The following PCLO variants were observed in gnomAD, a reference collection of about 807,000 sequenced individuals.
The protein encoded by PCLO is protein piccolo.
Under a neutral mutation model 427.5 loss-of-function variants are expected in PCLO, and 82 were observed. The ratio of observed to expected loss-of-function variants is 0.19; its 90% CI spans 0.16 to 0.23. The LOEUF is 0.23. Among genes scored for constraint, PCLO ranks in the 10% least tolerant of loss-of-function variants. PCLO has a pLI of 1.00. For missense variants in PCLO, 6,239 were observed against 6,115.9 expected, an observed-to-expected ratio of 1.02 and a Z score of -0.67; for synonymous variants, 2,357 against 2,155.4, an observed-to-expected ratio of 1.09 and a Z score of -2.59.
chr7:82,827,611 A>G (rs1254545453), intron 17 of PCLO, among the ~76,000 whole-genome samples: 1 of 152,084 alleles, frequency 6.6e-6, no homozygotes, highest in Non-Finnish European at 1.5e-5. Flanking sequence ...AAATTCTGAA[A>G]TAACAAATGG....
intron 3 of PCLO, among the ~76,000 whole-genome samples, chr7:83,072,213 A>G (rs1353270077): frequency 6.6e-6 from 1 of 152,042 alleles, no homozygotes; most frequent in Non-Finnish European, 1.5e-5. Context: ...GTATGAGAAA[A>G]TGTGTGAGAT....
At chr7:83,106,613 A>G (rs576682747) in intron 3 of PCLO, among the ~76,000 whole-genome samples, 1 of 152,308 alleles carries the variant, frequency 6.6e-6, no homozygotes, top group East Asian at 1.9e-4. Context: ...TTCTTTTAAA[A>G]AAGATCTTGC....
intron 3 of PCLO, among the ~76,000 whole-genome samples, chr7:83,028,556 C>T (rs1309545346): frequency 8.1e-6 from 1 of 123,298 alleles, no homozygotes; most frequent in Non-Finnish European, 1.8e-5. Context: ...AGATTCAATG[C>T]CATCCCCATC....
chr7:82,852,160 A>G (rs1264199812), intron 10 of PCLO, among the ~76,000 whole-genome samples: 1 of 152,176 alleles, frequency 6.6e-6, no homozygotes, highest in African/African-American at 2.4e-5. Context: ...ACACTCAGTC[A>G]TAATAAGAGA....
At chr7:83,026,475 A>G (rs1486940614) in intron 3 of PCLO, among the ~76,000 whole-genome samples, 3 of 152,116 alleles carry the variant, frequency 2.0e-5, no homozygotes, top group Non-Finnish European at 4.4e-5. Flanking sequence ...GTGACCTACA[A>G]AGAGACTTAA....
chr7:83,037,273 G>A (rs1406352915), intron 3 of PCLO, among the ~76,000 whole-genome samples: 1 of 151,966 alleles, frequency 6.6e-6, no homozygotes, highest in African/African-American at 2.4e-5. Flanking sequence ...AGAATCAGCA[G>A]AGACTAAAGA....
intron 3 of PCLO, among the ~76,000 whole-genome samples, chr7:83,111,205 C>T (rs1434379603): frequency 1.3e-5 from 2 of 152,196 alleles, no homozygotes; most frequent in Non-Finnish European, 2.9e-5. Context: ...TCAATTCAAT[C>T]ACTCAGTTAC....
intron 10 of PCLO, among the ~76,000 whole-genome samples, chr7:82,862,566 CA>C (rs36075501): frequency 0.18 from 16,541 of 91,598 alleles, 767 homozygotes; most frequent in East Asian, 0.34. Flanking sequence ...GACTCTGCCT[CA>C]AAAAAAAAAA....
intron 3 of PCLO, among the ~76,000 whole-genome samples, chr7:83,024,490 G>A (rs1459721703): frequency 6.6e-6 from 1 of 152,178 alleles, no homozygotes; most frequent in African/African-American, 2.4e-5. Context: ...TAGCACGGCA[G>A]TCTGAGATCA....
chr7:83,162,313 A>G, intron 1 of PCLO, 32 bp downstream of exon 1: 1 of 1,570,018 alleles, frequency 6.4e-7, no homozygotes, highest in Middle Eastern at 1.7e-4. Flanking sequence ...CTGTACATAT[A>G]TGCCCGGACA....
chr7:83,111,873 T>A (rs1791011930), intron 3 of PCLO, among the ~76,000 whole-genome samples: 1 of 152,238 alleles, frequency 6.6e-6, no homozygotes. Context: ...TAGATTAAGT[T>A]TAAATGCTCA....
chr7:82,920,280 A>C (rs1794565460), intron 6 of PCLO, among the ~76,000 whole-genome samples: 1 of 151,822 alleles, frequency 6.6e-6, no homozygotes, highest in African/African-American at 2.4e-5. Context: ...TTATGATTAA[A>C]GATGATGTAG....
chr7:82,983,032 T>C (rs1048864806), intron 3 of PCLO, among the ~76,000 whole-genome samples: 63 of 151,858 alleles, frequency 4.1e-4, no homozygotes, highest in African/African-American at 1.4e-3. Context: ...TGAAAAATAA[T>C]GAGGTAAAAG....
At chr7:82,987,431 A>G (rs1319387229) in intron 3 of PCLO, among the ~76,000 whole-genome samples, 1 of 152,084 alleles carries the variant, frequency 6.6e-6, no homozygotes, top group Non-Finnish European at 1.5e-5. Context: ...GCAGAAAAAA[A>G]TAAACAAATA....
chr7:82,868,278 C>T (rs1028221512), intron 10 of PCLO: 14 of 453,818 alleles, frequency 3.1e-5, no homozygotes, highest in African/African-American at 8.0e-5. Flanking sequence ...TGCTGGAGTG[C>T]GTCCTCTGTC....
intron 3 of PCLO, among the ~76,000 whole-genome samples, chr7:83,004,551 C>A (rs1787901459): frequency 6.6e-6 from 1 of 151,370 alleles, no homozygotes; most frequent in Non-Finnish European, 1.5e-5. Context: ...AGTGTGAAAC[C>A]ATAAAAACCA....
rs201781227 is a variant in PCLO, at chr7:82,984,416, G to GTGTGTA, written c.3301-17930_3301-17929insTACACA. On this transcript the variant is annotated intron_variant, in intron 3 of 24. Coordinates refer to ENST00000333891, the MANE Select transcript of PCLO (RefSeq NM_033026.6). ...TATTTCAAATGTGGTGTCTGTGTGTGTGTGTGTGTGTGTGTGTGTGTGTGT... is the reference window on the plus strand; with the variant it reads ...TATTTCAAATGTGGTGTCTGTGTGTGTGTGTATGTGTGTGTGTGTGTGTGTGTGTGT... Among the ~76,000 whole-genome samples, 1,406 of 149,046 alleles carry GTGTGTA rather than the reference G, an allele frequency of 9.4e-3. 23 individuals carry two copies. The highest frequency in any genetic ancestry group is 0.034 in the African/African-American group (1,337 of 39,836).
chr7:82,809,765 C>T (rs1472188462), intron 20 of PCLO, among the ~76,000 whole-genome samples: 1 of 151,224 alleles, frequency 6.6e-6, no homozygotes, highest in Non-Finnish European at 1.5e-5. Context: ...TTTCCATGTT[C>T]TTTGTCAAAG....
At chr7:82,760,567 T>G in intron 24 of PCLO, 72 bp downstream of exon 24, 1 of 1,015,540 alleles carries the variant, frequency 9.8e-7, no homozygotes, top group East Asian at 2.6e-5. Context: ...ATATAAATAT[T>G]GAATAATGGG....
Sources: gnomAD v4.1 joint callset for allele counts (sites outside exome capture counted in the v4.1 genomes callset) on GRCh38, gnomAD v4.1.1 for gene constraint, MANE v1.5 for transcripts, NCBI Gene and HGNC (gene_info 2026-07-23, HGNC 2026-07-21) for gene names.